SIRT5: variants seen among roughly 807,000 people sequenced by gnomAD.
SIRT5 encodes sirtuin 5.
Under a neutral mutation model 40.0 loss-of-function variants are expected in SIRT5, and 26 were observed. The observed-to-expected ratio is 0.65, with a 90% CI of 0.48 to 0.90. The LOEUF (loss-of-function observed/expected upper bound fraction) is 0.90, where lower values mean the gene tolerates loss of function less well. Ranked by LOEUF, SIRT5 falls within the 40% of genes least tolerant of loss-of-function variation. The pLI, the probability that SIRT5 is intolerant of heterozygous loss-of-function variation, is 0.00. For synonymous variants in SIRT5, 146 were observed against 149.1 expected (o/e 0.98, Z 0.15); for missense variants, 401 against 402.4 (o/e 1.00, Z 0.03).
chr6:13,605,475 C>G (rs1762982570), intron 9 of SIRT5: 5 of 985,278 alleles, frequency 5.1e-6, no homozygotes, highest in Admixed American at 6.2e-5. Context: ...AAATAGGCAG[C>G]TAGAATGCTG....
rs143092270 is a variant in SIRT5, at chr6:13,600,937, C to T, written c.845C>T (p.Thr282Met). 1.1e-3 allele frequency: 1,754 copies of T among 1,613,708 alleles called. No individual in the cohort carries two copies. The highest frequency in any genetic ancestry group is 1.3e-3 in the Non-Finnish European group (1,550 of 1,179,742). Residue 282 changes from threonine to methionine, a missense_variant, in exon 9 of 10, where the codon ACG (threonine) becomes ATG (methionine). Physicochemically the swap from Thr to Met is moderately conservative, Grantham distance 81. Transcript: ENST00000606117. The part of the protein sequence containing the change: ...AEFNTETTPA[T>M]NRFRFHFQGP... Reference sequence around the variant, plus strand: ...TTTAACACGGAGACCACCCCAGCTACGAACAGATTCAGGTACTGGGATACC... The same window carrying T: ...TTTAACACGGAGACCACCCCAGCTATGAACAGATTCAGGTACTGGGATACC...
At chr6:13,609,728 C>T (rs570411226) in intron 9 of SIRT5, among the ~76,000 whole-genome samples, 11 of 152,318 alleles carry the variant, frequency 7.2e-5, no homozygotes, top group Non-Finnish European at 1.6e-4. Flanking sequence ...AAGCAGTAGT[C>T]ACTCAAAGAA....
intron 3 of SIRT5, among the ~76,000 whole-genome samples, chr6:13,587,704 C>G (rs1760263928): frequency 6.6e-6 from 1 of 152,232 alleles, no homozygotes; most frequent in African/African-American, 2.4e-5. Flanking sequence ...GTTCCCTTTG[C>G]TACCCCAAGT....
At chr6:13,602,309 G>A (rs1762496819) in intron 9 of SIRT5, among the ~76,000 whole-genome samples, 1 of 152,104 alleles carries the variant, frequency 6.6e-6, no homozygotes, top group East Asian at 1.9e-4. Context: ...GAAAAATGAA[G>A]TTGGAGAACT....
chr6:13,599,230 C>A, intron 8 of SIRT5, 75 bp downstream of exon 8: 1 of 1,484,498 alleles, frequency 6.7e-7, no homozygotes. Flanking sequence ...TCCTCTTTTC[C>A]TTCCTCCCTC....
At chr6:13,592,000 T>G in intron 5 of SIRT5, 106 bp downstream of exon 5, 1 of 1,056,176 alleles carries the variant, frequency 9.5e-7, no homozygotes, top group Non-Finnish European at 1.4e-6. Flanking sequence ...TGGACATCCG[T>G]CCTGTCCTAT....
chr6:13,599,198 T>C (rs1169800532), intron 8 of SIRT5, 43 bp downstream of exon 8: 1 of 1,571,682 alleles, frequency 6.4e-7, no homozygotes, highest in Admixed American at 1.8e-5. Context: ...GACTGGAGTT[T>C]GTTATTTTTT....
chr6:13,598,507 C>A (rs1761905407), intron 7 of SIRT5, among the ~76,000 whole-genome samples: 2 of 152,112 alleles, frequency 1.3e-5, no homozygotes, highest in East Asian at 3.9e-4. Context: ...TGTGTCAGCA[C>A]ATCAAGTACA....
Position 13,611,890 on chromosome 6 carries a change from C to T in SIRT5, c.*25C>T, listed in dbSNP as rs1763981453. On this transcript the variant is annotated 3_prime_UTR_variant, in exon 10 of 10. Transcript: ENST00000606117. ...AGTGTCCTGGGGAAGAAAGAAATTA[C>T]AGTATATCTAAGAACTAGGCCACAC... is the stretch of plus-strand genomic sequence containing the variant. 1.2e-6 allele frequency: 2 copies of T among 1,610,130 alleles called. No homozygotes were observed. Among genetic ancestry groups the T allele is most frequent in the Non-Finnish European group, 1.7e-6 (2 of 1,176,664 alleles).
chr6:13,589,721 G>C (rs1760572434), intron 4 of SIRT5, among the ~76,000 whole-genome samples: 1 of 152,172 alleles, frequency 6.6e-6, no homozygotes, highest in South Asian at 2.1e-4. Flanking sequence ...AGAAAGGAGA[G>C]CAGAGAACAT....
chr6:13,580,012 GTGATATTCA>G (rs1278606303), intron 2 of SIRT5, among the ~76,000 whole-genome samples: 2 of 152,194 alleles, frequency 1.3e-5, no homozygotes, highest in African/African-American at 4.8e-5. Flanking sequence ...AAGCACTGGA[GTGATATTCA>G]TGTTGGTTGG....
rs1297050057 is a variant in SIRT5 at position 13,614,474 on chromosome 6, G to C, written c.*2609G>C. On this transcript the variant is annotated 3_prime_UTR_variant, in exon 10 of 10. Transcript: ENST00000606117. ...TGTTCAAAGAATGATGAATCACTTA[G>C]TGTTGTATAATGGATGGGAGGAGAG... 6.6e-6 allele frequency: 1 copy of C among 152,266 alleles called. No individual in the cohort carries two copies. Among genetic ancestry groups the C allele is most frequent in the Non-Finnish European group, 1.5e-5 (1 of 68,048 alleles). The allele number at this position is 152,266 out of a possible 1,614,324, so 9.4% of individuals were successfully genotyped here. A position where few individuals can be genotyped will look rare whatever the true frequency, so the allele number is the denominator to read the frequency against.
chr6:13,604,503 T>G (rs747375647), intron 9 of SIRT5: 1 of 1,577,458 alleles, frequency 6.3e-7, no homozygotes. Context: ...CATCTCTAAT[T>G]ATTATAAAGA....
intron 4 of SIRT5, among the ~76,000 whole-genome samples, chr6:13,590,905 A>G (rs954338111): frequency 1.4e-5 from 2 of 148,076 alleles, no homozygotes; most frequent in Non-Finnish European, 3.0e-5. Flanking sequence ...ATGTGTGTTT[A>G]GCTATGTGTG....
chr6:13,588,368 G>A lies in SIRT5; in HGVS notation c.153G>A (p.Lys51=), dbSNP rs1255303187. The A allele has an allele frequency of 6.2e-7, 1 of 1,614,042 alleles. No homozygotes were observed. Among genetic ancestry groups the A allele is most frequent in the African/African-American group, 1.3e-5 (1 of 74,940 alleles). Reference sequence around the variant, plus strand: ...TTCGAAAGTTTTTTGCAAAAGCAAAGCACATAGTCATCATCTCAGGAGCTG... The same window carrying A: ...TTCGAAAGTTTTTTGCAAAAGCAAAACACATAGTCATCATCTCAGGAGCTG... ...ADFRKFFAKA[K]HIVIISGAGV... Residue 51 remains lysine (K), a synonymous_variant, in exon 4 of 10, where the codon AAG becomes AAA. Transcript: ENST00000606117.
rs900069541 is a variant in SIRT5 at position 13,590,960 on chromosome 6, T to G, written c.250-709T>G. Among the ~76,000 whole-genome samples, 5 of 151,942 alleles carry G rather than the reference T, an allele frequency of 3.3e-5. No homozygotes were observed. The East Asian group carries it at 9.6e-4, about 29-fold the overall frequency. On this transcript the variant is annotated intron_variant, in intron 4 of 9. Transcript: ENST00000606117. Reference sequence around the variant, plus strand: ...TGTGTAGTTGTGTGTGTTTAGTTTGTGTGTGTAGTTGTATGTTTAGTTGTG... The same window carrying G: ...TGTGTAGTTGTGTGTGTTTAGTTTGGGTGTGTAGTTGTATGTTTAGTTGTG...
At position 13,584,086 on chromosome 6, in the gene SIRT5, G is replaced by A. The variant is rs767424598; in HGVS notation, c.-25G>A. The A allele has an allele frequency of 6.4e-7, 1 of 1,562,118 alleles. No individual in the cohort carries two copies. On this transcript the variant is annotated 5_prime_UTR_variant, in exon 3 of 10. Transcript: ENST00000606117. ...GTGATTTTTCTAAAGCCCGCCTCAAGCATTAGAACTACAGACAAACCCTGA... is the reference window on the plus strand; with the variant it reads ...GTGATTTTTCTAAAGCCCGCCTCAAACATTAGAACTACAGACAAACCCTGA...
At chr6:13,594,359 A>G (rs1761311893) in intron 5 of SIRT5, among the ~76,000 whole-genome samples, 1 of 152,194 alleles carries the variant, frequency 6.6e-6, no homozygotes, top group Non-Finnish European at 1.5e-5. Context: ...ATTGGCTCAC[A>G]AAACTGAGGA....
At chr6:13,576,204 A>G (rs1242185585) in intron 1 of SIRT5, among the ~76,000 whole-genome samples, 3 of 152,196 alleles carry the variant, frequency 2.0e-5, no homozygotes, top group African/African-American at 7.2e-5. Flanking sequence ...TGGTAATTCT[A>G]TTTTTAGATT....
Sources: gnomAD v4.1 joint callset for allele counts (sites outside exome capture counted in the v4.1 genomes callset) on GRCh38, gnomAD v4.1.1 for gene constraint, MANE v1.5 for transcripts, NCBI Gene and HGNC (gene_info 2026-07-23, HGNC 2026-07-21) for gene names.